RMI1: variants seen among roughly 807,000 people sequenced by gnomAD.
The protein encoded by RMI1 is recQ-mediated genome instability protein 1.
A neutral mutation model predicts 46.7 loss-of-function variants in RMI1; 36 were observed. The ratio of observed to expected loss-of-function variants is 0.77; its 90% CI spans 0.59 to 1.02. The LOEUF (loss-of-function observed/expected upper bound fraction) is 1.02, where lower values mean the gene tolerates loss of function less well. Ranked by LOEUF, RMI1 falls within the 50% of genes least tolerant of loss-of-function variation. RMI1 has a pLI of 0.00. For missense variants in RMI1, 676 were observed against 713.7 expected (o/e 0.95, Z 0.60); for synonymous variants, 250 against 252.9 (o/e 0.99, Z 0.11).
Position 84,002,535 on chromosome 9 carries a change from T to TA in RMI1, c.1549_1550insA (p.Leu517TyrfsTer20). 6.2e-7 allele frequency: 1 copy of TA among 1,614,020 alleles called. No homozygotes were observed. Among genetic ancestry groups the TA allele is most frequent in the African/African-American group, 1.3e-5 (1 of 75,068 alleles). ...GAAAGTGAAAGCATTTATTGTAACC[T>TA]TAACTGGAAATCTCTCAAGTTCTGG... On this transcript the variant is annotated frameshift_variant, in exon 3 of 3. Transcript: ENST00000445877. LOFTEE classifies it high-confidence loss of function.
rs199554505 is a variant in RMI1 at position 84,002,455 on chromosome 9, C to G, written c.1469C>G (p.Pro490Arg). ...LSIAMDLYSP[P>R]FVYLSVLMAS... ...ATTGCCATGGATTTGTATTCTCCAC[C>G]CTTTGTCTATTTGTCTGTTCTAATG... Residue 490 changes from proline (P) to arginine (R), a missense_variant, in exon 3 of 3, where the codon CCC becomes CGC. Transcript: ENST00000445877. The G allele has an allele frequency of 2.9e-5, 47 of 1,613,836 alleles. No individual in the cohort carries two copies. Among genetic ancestry groups the G allele is most frequent in the Non-Finnish European group, 3.7e-5 (44 of 1,179,932 alleles).
intron 1 of RMI1, among the ~76,000 whole-genome samples, chr9:83,997,045 C>A (rs1306989020): frequency 2.7e-5 from 4 of 150,530 alleles, no homozygotes; most frequent in South Asian, 4.3e-4. Flanking sequence ...GATTCCCCCC[C>A]CCTTTTTTTT....
At position 84,002,993 on chromosome 9, in the gene RMI1, T is replaced by A; in HGVS notation, c.*129T>A. 3.4e-6 allele frequency: 2 copies of A among 594,376 alleles called. No individual in the cohort carries two copies. Among genetic ancestry groups the A allele is most frequent in the Non-Finnish European group, 5.8e-6 (2 of 343,634 alleles). The allele number at this position is 594,376 out of a possible 1,614,324, so 36.8% of individuals were successfully genotyped here. On this transcript the variant is annotated 3_prime_UTR_variant, in exon 3 of 3. Transcript: ENST00000445877. ...TTTCATAGCTTATTTCAGTTTAATT[T>A]TAAAGTGTTTAATCATGTTTGTTAT... is the stretch of plus-strand genomic sequence containing the variant.
intron 1 of RMI1, among the ~76,000 whole-genome samples, chr9:83,987,095 ACT>A (rs1406349824): frequency 3.3e-5 from 5 of 149,770 alleles, no homozygotes; most frequent in African/African-American, 1.2e-4. Context: ...ATGGAGTCTC[ACT>A]CTGTCACCCA....
At chr9:83,998,541 TC>T (rs1957692573) in intron 1 of RMI1, among the ~76,000 whole-genome samples, 1 of 152,202 alleles carries the variant, frequency 6.6e-6, no homozygotes, top group Admixed American at 6.5e-5. Context: ...TGATAAGGAA[TC>T]CATGTCACTG....
intron 1 of RMI1, among the ~76,000 whole-genome samples, chr9:83,982,316 C>T (rs921287824): frequency 1.3e-5 from 2 of 152,126 alleles, no homozygotes; most frequent in Non-Finnish European, 2.9e-5. Context: ...TTGCAGTCAT[C>T]ATTTTCTTGA....
Position 83,987,601 on chromosome 9 carries a change from T to C in RMI1, c.-126+6710T>C, listed in dbSNP as rs936940856. Among the ~76,000 whole-genome samples the C allele has an allele frequency of 2.0e-5, 3 of 152,294 alleles. No homozygotes were observed. In the South Asian group the frequency reaches 6.2e-4, roughly 32 times the overall value. On this transcript the variant is annotated intron_variant, in intron 1 of 2. Transcript: ENST00000445877. ...TAACCACCAACCACCACCATCGTCA[T>C]GTTATAGAACAATTCCATCACCCCA...
intron 1 of RMI1, among the ~76,000 whole-genome samples, chr9:83,982,456 G>T (rs1377645085): frequency 6.6e-6 from 1 of 151,964 alleles, no homozygotes; most frequent in Non-Finnish European, 1.5e-5. Context: ...AAGGTCAGGA[G>T]ATCGAGACCA....
intron 1 of RMI1, among the ~76,000 whole-genome samples, chr9:83,991,220 A>G (rs1387472871): frequency 5.3e-5 from 8 of 151,374 alleles, no homozygotes; most frequent in African/African-American, 1.9e-4. Flanking sequence ...TTGTCTTTTT[A>G]TATTCCTAAC....
chr9:83,991,092 C>A (rs1405579970), intron 1 of RMI1, among the ~76,000 whole-genome samples: 1 of 152,186 alleles, frequency 6.6e-6, no homozygotes, highest in African/African-American at 2.4e-5. Context: ...TAGGCCTGAG[C>A]TACTGCGCCT....
In RMI1 at chr9:83,993,946, A is replaced by AT. The variant is rs35033710; in HGVS notation, c.-125-5745dup. Among the ~76,000 whole-genome samples the AT allele has an allele frequency of 5.3e-3, 669 of 127,176 alleles. 2 individuals carry two copies. The highest frequency in any genetic ancestry group is 6.5e-3 in the African/African-American group (226 of 34,822). The allele number at this position is 127,176 out of a possible 152,430, so 83.4% of individuals were successfully genotyped here. ...AGGCGTGCGCCACCATGCCCGGCTAATTTTTTTTTTTTTTTTTTGTAGAGA... is the reference window on the plus strand; with the variant it reads ...AGGCGTGCGCCACCATGCCCGGCTAATTTTTTTTTTTTTTTTTTTGTAGAGA... On this transcript the variant is annotated intron_variant, in intron 1 of 2. Coordinates refer to ENST00000445877, the MANE Select transcript of RMI1 (RefSeq NM_001358291.2).
intron 1 of RMI1, chr9:83,992,879 C>T (rs1266422270): frequency 6.6e-6 from 1 of 151,648 alleles, no homozygotes; most frequent in African/African-American, 2.4e-5. Context: ...TTCTCTCTTC[C>T]ATCTTTTTCT....
intron 1 of RMI1, among the ~76,000 whole-genome samples, chr9:83,981,770 T>C (rs913490317): frequency 1.1e-4 from 16 of 152,246 alleles, no homozygotes; most frequent in African/African-American, 3.6e-4. Flanking sequence ...ATTCCTGTTA[T>C]AATGTTTCCT....
At chr9:83,987,002 T>A (rs1186765645) in intron 1 of RMI1, among the ~76,000 whole-genome samples, 3 of 152,172 alleles carry the variant, frequency 2.0e-5, no homozygotes, top group African/African-American at 7.2e-5. Flanking sequence ...CTGGAGGAAA[T>A]AGGAACCTTA....
At chr9:83,997,903 C>G (rs1366017127) in intron 1 of RMI1, among the ~76,000 whole-genome samples, 2 of 151,732 alleles carry the variant, frequency 1.3e-5, no homozygotes, top group South Asian at 4.2e-4. Context: ...TCAAGCAGTC[C>G]TCCCACCTCA....
In RMI1 at chr9:84,003,742, CTT is replaced by C. The variant is rs1957772222; in HGVS notation, c.*880_*881del. On this transcript the variant is annotated 3_prime_UTR_variant, in exon 3 of 3. Coordinates refer to ENST00000445877, the MANE Select transcript of RMI1 (RefSeq NM_001358291.2). ...ATAGATTATATTGAATGATTTAAAA[CTT>C]TATTTTCAAGGATAGTTTATTTTAA... The C allele has an allele frequency of 6.0e-6, 1 of 166,618 alleles. No individual in the cohort carries two copies. Among genetic ancestry groups the C allele is most frequent in the South Asian group, 2.1e-4 (1 of 4,824 alleles). 10.3% of individuals were successfully genotyped at this position (166,618 alleles called of 1,614,324 possible).
rs1045581282 is a variant in RMI1 at position 83,981,322 on chromosome 9, A to G, written c.-126+431A>G. On this transcript the variant is annotated intron_variant, in intron 1 of 2. Transcript: ENST00000445877. ...TATTCCGATAAAATTTTTAGGCAAT[A>G]TGTATTGCCCTTGTCTCCTAAAATG... Among the ~76,000 whole-genome samples the G allele has an allele frequency of 3.3e-5, 5 of 152,240 alleles. No individual in the cohort carries two copies. The East Asian group carries it at 5.8e-4, about 18-fold the overall frequency.
chr9:83,995,060 C>T (rs1001612087), intron 1 of RMI1, among the ~76,000 whole-genome samples: 2 of 152,150 alleles, frequency 1.3e-5, no homozygotes, highest in Middle Eastern at 3.4e-3. Flanking sequence ...AGTGCAGTGG[C>T]GAGATCTCGG....
At chr9:83,994,848 C>T (rs1450971204) in intron 1 of RMI1, among the ~76,000 whole-genome samples, 1 of 152,046 alleles carries the variant, frequency 6.6e-6, no homozygotes, top group Non-Finnish European at 1.5e-5. Flanking sequence ...TATTTTACAT[C>T]CAGCTTGTTA....
Sources: allele counts gnomAD v4.1 joint callset (sites outside exome capture counted in the v4.1 genomes callset), GRCh38; gene constraint gnomAD v4.1.1; transcripts MANE v1.5; gene names NCBI Gene and HGNC (gene_info 2026-07-23, HGNC 2026-07-21).